The following PARM1 variants were observed in gnomAD, a reference collection of about 807,000 sequenced individuals.
PARM1 encodes WSC4, cell wall integrity and stress response component 4 homolog.
In PARM1, 14 loss-of-function variants were observed where a neutral mutation model predicts 24.6. The observed-to-expected ratio is 0.57, with a 90% CI of 0.38 to 0.89. The LOEUF is 0.89. Ranked by LOEUF, PARM1 falls within the 40% of genes least tolerant of loss-of-function variation. The probability of loss-of-function intolerance (pLI) is 0.00; values close to 1 mark genes in which losing one functional copy is unlikely to be tolerated. For missense variants in PARM1, 362 were observed against 380.4 expected (o/e 0.95, Z 0.40); for synonymous variants, 179 against 156.6 (o/e 1.14, Z -1.07).
chr4:74,933,472 C>CG, intron 1 of PARM1, 102 bp downstream of exon 1: 4 of 1,008,094 alleles, frequency 4.0e-6, no homozygotes, highest in East Asian at 2.4e-5. Context: ...TGAGTCGCCG[C>CG]GCGCCTCCGG....
At chr4:74,960,852 C>CAA (rs60838371) in intron 1 of PARM1, among the ~76,000 whole-genome samples, 6 of 142,110 alleles carry the variant, frequency 4.2e-5, no homozygotes, top group Middle Eastern at 7.1e-3. Context: ...ACTAAAAATA[C>CAA]AAAAAAAAAA....
chr4:74,957,332 C>T lies in PARM1; in HGVS notation c.43+23962C>T, dbSNP rs191585172. 9.2e-5 allele frequency: 14 copies of T among 152,298 alleles called. No individual in the cohort carries two copies. The East Asian group carries it at 2.1e-3, about 23-fold the overall frequency. The allele number at this position is 152,298 out of a possible 1,614,324, so 9.4% of individuals were successfully genotyped here. On this transcript the variant is annotated intron_variant, in intron 1 of 3. Transcript: ENST00000307428. ...TTCATGTTCTTTCTATTATTCAGCA[C>T]GTCTTATCTGGGCTTTAATGTCTCC...
intron 1 of PARM1, among the ~76,000 whole-genome samples, chr4:75,006,839 A>G (rs1489506406): frequency 6.6e-6 from 1 of 152,232 alleles, no homozygotes; most frequent in Non-Finnish European, 1.5e-5. Flanking sequence ...CTAAAACACC[A>G]AAAGCAATGG....
intron 1 of PARM1, among the ~76,000 whole-genome samples, chr4:74,998,446 C>T (rs1368953019): frequency 1.3e-5 from 2 of 152,156 alleles, no homozygotes; most frequent in East Asian, 1.9e-4. Context: ...ATTAATTATA[C>T]AAAATGAGGA....
intron 1 of PARM1, among the ~76,000 whole-genome samples, chr4:74,950,105 TGCTGTGA>T (rs1721493889): frequency 6.6e-6 from 1 of 152,166 alleles, no homozygotes; most frequent in Non-Finnish European, 1.5e-5. Context: ...ATCCCCAAAC[TGCTGTGA>T]GCTATCTACC....
chr4:74,965,989 G>T lies in PARM1; in HGVS notation c.43+32619G>T, dbSNP rs142420764. ...AGTTAATAGCCATCTACCAATGTTG[G>T]TTTCTTAGTTTTGATGAGTAAGATG... On this transcript the variant is annotated intron_variant, in intron 1 of 3. Coordinates refer to ENST00000307428, the MANE Select transcript of PARM1 (RefSeq NM_015393.4). Among the ~76,000 whole-genome samples the T allele has an allele frequency of 3.3e-3, 502 of 152,314 alleles. 3 individuals carry two copies. Among genetic ancestry groups the T allele is most frequent in the Admixed American group, 5.4e-3 (83 of 15,296 alleles).
chr4:74,985,955 G>C (rs1722347731), intron 1 of PARM1, among the ~76,000 whole-genome samples: 2 of 152,058 alleles, frequency 1.3e-5, no homozygotes, highest in South Asian at 4.1e-4. Flanking sequence ...TTTTAGTAGA[G>C]ACGAGGTTTC....
intron 1 of PARM1, among the ~76,000 whole-genome samples, chr4:74,934,422 T>G (rs1469558477): frequency 6.6e-6 from 1 of 152,182 alleles, no homozygotes; most frequent in Non-Finnish European, 1.5e-5. Flanking sequence ...TTCCTACAGT[T>G]GTGGACACGA....
chr4:74,944,183 T>C (rs1721365098), intron 1 of PARM1, among the ~76,000 whole-genome samples: 1 of 152,202 alleles, frequency 6.6e-6, no homozygotes, highest in Non-Finnish European at 1.5e-5. Context: ...TTCAAAATAA[T>C]AATGTTTAAT....
At chr4:75,034,153 CA>C (rs1723326669) in intron 3 of PARM1, among the ~76,000 whole-genome samples, 192 bp downstream of exon 3, 1 of 152,066 alleles carries the variant, frequency 6.6e-6, no homozygotes, top group Non-Finnish European at 1.5e-5. Flanking sequence ...TGAACCTTGG[CA>C]AAGTAGAAGA....
intron 3 of PARM1, among the ~76,000 whole-genome samples, chr4:75,037,144 C>T (rs1416501791): frequency 6.6e-6 from 1 of 152,154 alleles, no homozygotes; most frequent in Non-Finnish European, 1.5e-5. Flanking sequence ...CATGTATGTT[C>T]CTAAGGATAG....
chr4:75,000,364 T>A (rs1722654859), intron 1 of PARM1, among the ~76,000 whole-genome samples: 1 of 152,146 alleles, frequency 6.6e-6, no homozygotes, highest in Non-Finnish European at 1.5e-5. Flanking sequence ...AGGTATATAG[T>A]GTTTATTTAA....
chr4:75,006,118 G>A (rs1212520225), intron 1 of PARM1, among the ~76,000 whole-genome samples: 1 of 152,154 alleles, frequency 6.6e-6, no homozygotes, highest in Non-Finnish European at 1.5e-5. Flanking sequence ...GTTTTGGGTG[G>A]GAAGGTGTAT....
chr4:74,947,268 A>G (rs937535971), intron 1 of PARM1, among the ~76,000 whole-genome samples: 2 of 152,224 alleles, frequency 1.3e-5, no homozygotes, highest in African/African-American at 4.8e-5. Flanking sequence ...GGAAGATGTT[A>G]AATAACACTG....
intron 2 of PARM1, among the ~76,000 whole-genome samples, chr4:75,020,008 T>C (rs1723059550): frequency 8.9e-5 from 1 of 11,258 alleles, no homozygotes. Flanking sequence ...AGACTCCGTC[T>C]CAAAAAAAAA....
intron 2 of PARM1, among the ~76,000 whole-genome samples, chr4:75,016,010 G>A (rs776420641): frequency 2.0e-5 from 3 of 152,158 alleles, no homozygotes; most frequent in African/African-American, 4.8e-5. Context: ...GTGGGTTCAC[G>A]TAGTATGTTT....
intron 1 of PARM1, among the ~76,000 whole-genome samples, chr4:74,994,762 C>T (rs947535973): frequency 6.6e-6 from 1 of 151,590 alleles, no homozygotes; most frequent in Admixed American, 6.6e-5. Flanking sequence ...CAGTGCACTC[C>T]AGCCTGGGTG....
chr4:75,034,992 A>C (rs190808578), intron 3 of PARM1, among the ~76,000 whole-genome samples: 37 of 152,254 alleles, frequency 2.4e-4, no homozygotes, highest in African/African-American at 7.2e-4. Context: ...GAACTTCAGA[A>C]ACTCCAGCTC....
chr4:74,955,391 C>A (rs933835972), intron 1 of PARM1, among the ~76,000 whole-genome samples: 2 of 152,134 alleles, frequency 1.3e-5, no homozygotes, highest in African/African-American at 4.8e-5. Flanking sequence ...TAACCTGAGG[C>A]CTATCTAAAC....
Sources: allele counts gnomAD v4.1 joint callset (sites outside exome capture counted in the v4.1 genomes callset), GRCh38; gene constraint gnomAD v4.1.1; transcripts MANE v1.5; gene names NCBI Gene and HGNC (gene_info 2026-07-23, HGNC 2026-07-21).